Variants in APBB2 observed in about 807,000 individuals in gnomAD.
The protein encoded by APBB2 is amyloid beta precursor protein binding family B member 2.
APBB2 carries 38 observed loss-of-function variants against 82.5 expected under a neutral mutation model. That is an observed-to-expected ratio of 0.46 (90% CI 0.36 to 0.60). The LOEUF (loss-of-function observed/expected upper bound fraction) is 0.60. Among genes scored for constraint, APBB2 ranks in the 20% least tolerant of loss-of-function variants. The probability of loss-of-function intolerance (pLI) is 0.00; values close to 1 mark genes in which losing one functional copy is unlikely to be tolerated. For missense variants in APBB2, 772 were observed against 972.3 expected (o/e 0.79, Z 2.74); for synonymous variants, 341 against 368.2 (o/e 0.93, Z 0.85).
intron 3 of APBB2, among the ~76,000 whole-genome samples, chr4:41,096,136 G>A (rs1743387658): frequency 6.6e-6 from 1 of 152,182 alleles, no homozygotes; most frequent in African/African-American, 2.4e-5. Context: ...CTTCAATGCA[G>A]TGAACATACT....
At chr4:40,829,246 G>A (rs2465539) in intron 13 of APBB2, among the ~76,000 whole-genome samples, 35,648 of 151,974 alleles carry the variant, frequency 0.23, 4,695 homozygotes, top group Non-Finnish European at 0.3. Context: ...CCCTGGCCCT[G>A]GTCTGCTCTC....
intron 6 of APBB2, among the ~76,000 whole-genome samples, chr4:40,984,812 C>G (rs6856268): frequency 6.6e-6 from 1 of 152,058 alleles, no homozygotes; most frequent in Non-Finnish European, 1.5e-5. Context: ...GTGGGGAGTA[C>G]ATGAAATTAA....
Position 40,814,915 on chromosome 4 carries a change from T to C in APBB2, c.*1177A>G, listed in dbSNP as rs923992371. 6.2e-5 allele frequency: 9 copies of C among 146,246 alleles called. No homozygotes were observed. The highest frequency in any genetic ancestry group is 6.0e-5 in the Non-Finnish European group (4 of 67,044). 9.1% of individuals were successfully genotyped at this position (146,246 alleles called of 1,614,324 possible). A position where few individuals can be genotyped will look rare whatever the true frequency, so the allele number is the denominator to read the frequency against. On this transcript the variant is annotated 3_prime_UTR_variant, in exon 18 of 18. Transcript: ENST00000508593. ...AAAAATATAAATTAAAAAATATATC[T>C]AGTTGAGTCCAACAAATTCTAATAT...
At chr4:40,995,175 T>C (rs1381961679) in intron 6 of APBB2, among the ~76,000 whole-genome samples, 1 of 152,178 alleles carries the variant, frequency 6.6e-6, no homozygotes, top group African/African-American at 2.4e-5. Context: ...TTGGGTTTCC[T>C]ATGCAGTTGA....
At chr4:41,160,467 G>A (rs1580509167) in intron 1 of APBB2, among the ~76,000 whole-genome samples, 1 of 152,180 alleles carries the variant, frequency 6.6e-6, no homozygotes, top group East Asian at 1.9e-4. Context: ...GGAGACTTCA[G>A]GGAGCTGAAG....
chr4:40,937,997 A>G (rs1785810158), intron 7 of APBB2, among the ~76,000 whole-genome samples: 1 of 152,230 alleles, frequency 6.6e-6, no homozygotes, highest in Admixed American at 6.5e-5. Context: ...GAGGAAGAGG[A>G]GAGACAAAGA....
intron 6 of APBB2, among the ~76,000 whole-genome samples, chr4:40,957,242 T>G (rs1243178599): frequency 6.6e-6 from 1 of 152,226 alleles, no homozygotes; most frequent in African/African-American, 2.4e-5. Context: ...TTCAAAACAT[T>G]TTTTTAAATG....
chr4:40,963,572 A>T (rs1340024954), intron 6 of APBB2, among the ~76,000 whole-genome samples: 1 of 152,224 alleles, frequency 6.6e-6, no homozygotes, highest in Admixed American at 6.5e-5. Context: ...TATGAAAGGA[A>T]TTACTATAAA....
intron 4 of APBB2, among the ~76,000 whole-genome samples, chr4:41,034,097 G>C (rs1237302949): frequency 6.6e-6 from 1 of 152,206 alleles, no homozygotes. Context: ...ATCTGAGCAA[G>C]TTTTGAATGC....
At chr4:40,926,994 T>G (rs2154371185) in intron 10 of APBB2, among the ~76,000 whole-genome samples, 1 of 152,340 alleles carries the variant, frequency 6.6e-6, no homozygotes, top group Non-Finnish European at 1.5e-5. Flanking sequence ...TTCATGGCGC[T>G]CTCTCTTTCC....
At chr4:41,169,901 G>T (rs1371204524) in intron 1 of APBB2, among the ~76,000 whole-genome samples, 1 of 151,994 alleles carries the variant, frequency 6.6e-6, no homozygotes, top group African/African-American at 2.4e-5. Context: ...GGAACAGTTA[G>T]GAAAGAATAA....
At chr4:40,935,817 AT>A (rs1159547026) in intron 7 of APBB2, among the ~76,000 whole-genome samples, 1 of 151,954 alleles carries the variant, frequency 6.6e-6, no homozygotes, top group Non-Finnish European at 1.5e-5. Flanking sequence ...TCATGAAATG[AT>A]TTTCTAAACG....
rs750542134 is a variant in APBB2, at chr4:40,813,490, T to C, written c.*2602A>G. 1 of 152,204 alleles carries C rather than the reference T, an allele frequency of 6.6e-6. No homozygotes were observed. The highest frequency in any genetic ancestry group is 1.5e-5 in the Non-Finnish European group (1 of 68,028). 9.4% of individuals were successfully genotyped at this position (152,204 alleles called of 1,614,324 possible). The stretch of plus-strand genomic sequence containing the variant: ...ACAAACAAATACACACATACTTTCA[T>C]ACATACTTTTTGGCCATGGCAGAAA... On this transcript the variant is annotated 3_prime_UTR_variant, in exon 18 of 18. Transcript: ENST00000508593.
chr4:41,095,830 C>T (rs1258169562), intron 3 of APBB2, among the ~76,000 whole-genome samples: 1 of 152,200 alleles, frequency 6.6e-6, no homozygotes, highest in Non-Finnish European at 1.5e-5. Flanking sequence ...CTTTATAAAA[C>T]TCCCATCTAG....
At chr4:40,925,457 C>G (rs934183601) in intron 10 of APBB2, among the ~76,000 whole-genome samples, 1 of 152,162 alleles carries the variant, frequency 6.6e-6, no homozygotes, top group African/African-American at 2.4e-5. Context: ...CAGAGCCTGG[C>G]TTTAAACCCG....
At chr4:41,096,473 G>A (rs1309731528) in intron 3 of APBB2, among the ~76,000 whole-genome samples, 1 of 152,152 alleles carries the variant, frequency 6.6e-6, no homozygotes, top group Non-Finnish European at 1.5e-5. Context: ...ATTGTATCAT[G>A]TGAACTAAGA....
Position 40,830,592 on chromosome 4 carries a change from T to C in APBB2, c.1530-15A>G. 1 of 1,496,392 alleles carries C rather than the reference T, an allele frequency of 6.7e-7. No individual in the cohort carries two copies. Among genetic ancestry groups the C allele is most frequent in the Non-Finnish European group, 9.3e-7 (1 of 1,072,866 alleles). 92.7% of individuals were successfully genotyped at this position (1,496,392 alleles called of 1,614,324 possible). ...AAGCAAAATCCCTGTGCAAGCAAAA[T>C]GTATCAGTCCATTAGTAAGAGAAGC... On this transcript the variant is annotated splice_polypyrimidine_tract_variant and intron_variant, in intron 12 of 17. Coordinates refer to ENST00000508593, the MANE Select transcript of APBB2 (RefSeq NM_004307.2).
intron 1 of APBB2, among the ~76,000 whole-genome samples, chr4:41,211,635 AC>A (rs1165418220): frequency 6.6e-6 from 1 of 151,878 alleles, no homozygotes; most frequent in Non-Finnish European, 1.5e-5. Context: ...GGCGGGAGCC[AC>A]CACACCCGGC....
rs1754754558 is a variant in APBB2, at chr4:41,127,624, T to A, written c.-261+15363A>T. Among the ~76,000 whole-genome samples the A allele has an allele frequency of 6.6e-6, 1 of 152,196 alleles. No individual in the cohort carries two copies. The highest frequency in any genetic ancestry group is 1.5e-5 in the Non-Finnish European group (1 of 68,036). ...AACCATGCATCTGACAAAGATCTAA[T>A]ATCCAGAATCTAGGAGGAACTTAAA... is the stretch of plus-strand genomic sequence containing the variant. On this transcript the variant is annotated intron_variant, in intron 2 of 17. Transcript: ENST00000508593. This position sits in a 1 kb window ranked among gnomAD's most constrained non-coding sequence, Gnocchi z 4.8.
Sources: gnomAD v4.1 joint callset for allele counts (sites outside exome capture counted in the v4.1 genomes callset) on GRCh38, gnomAD v4.1.1 for gene constraint, Gnocchi (gnomAD v3.1) non-coding constraint, MANE v1.5 for transcripts, NCBI Gene and HGNC (gene_info 2026-07-23, HGNC 2026-07-21) for gene names.